Variants in CDH13 observed in about 807,000 individuals in gnomAD.
The protein encoded by CDH13 is cadherin-13.
A neutral mutation model predicts 63.8 loss-of-function variants in CDH13; 24 were observed. That is an observed-to-expected ratio of 0.38 (90% CI 0.27 to 0.53). CDH13 has a LOEUF of 0.53. Ranked by LOEUF, CDH13 falls within the 20% of genes least tolerant of loss-of-function variation. The pLI, the probability that CDH13 is intolerant of heterozygous loss-of-function variation, is 0.85. For synonymous variants in CDH13, 503 were observed against 355.3 expected, an observed-to-expected ratio of 1.42 and a Z score of -4.67; for missense variants, 1,049 against 903.1, an observed-to-expected ratio of 1.16 and a Z score of -2.07.
intron 1 of CDH13, among the ~76,000 whole-genome samples, chr16:82,697,216 C>T (rs1313485923): frequency 6.6e-6 from 1 of 152,116 alleles, no homozygotes; most frequent in Non-Finnish European, 1.5e-5. Context: ...TTCAAAACCA[C>T]CACACTATGT....
At chr16:83,330,996 A>G (rs2090469566) in intron 5 of CDH13, among the ~76,000 whole-genome samples, 2 of 152,200 alleles carry the variant, frequency 1.3e-5, no homozygotes, top group South Asian at 2.1e-4. Context: ...GCTATGTGGC[A>G]AGTGTTTTGC....
At chr16:83,434,506 G>A (rs529976723) in intron 6 of CDH13, among the ~76,000 whole-genome samples, 14 of 151,884 alleles carry the variant, frequency 9.2e-5, no homozygotes, top group African/African-American at 3.1e-4. Flanking sequence ...CCACTGAAGT[G>A]CCAATGATTC....
intron 3 of CDH13, among the ~76,000 whole-genome samples, chr16:83,056,963 TTTTG>T (rs543908459): frequency 4.8e-4 from 73 of 152,152 alleles, no homozygotes; most frequent in Middle Eastern, 3.4e-3. Flanking sequence ...TTTTACTCTT[TTTTG>T]TTTGTTTGTT....
intron 7 of CDH13, among the ~76,000 whole-genome samples, chr16:83,542,093 G>C (rs1444649287): frequency 6.6e-6 from 1 of 152,216 alleles, no homozygotes; most frequent in Non-Finnish European, 1.5e-5. Context: ...GAAATGCAGA[G>C]CCTCAGGCCT....
At chr16:83,519,838 G>A (rs4444330) in intron 7 of CDH13, among the ~76,000 whole-genome samples, 51,145 of 151,870 alleles carry the variant, frequency 0.34, 8,971 homozygotes, top group East Asian at 0.46. Flanking sequence ...GCATGAGGAC[G>A]TTAGCTTTGA....
In CDH13 at chr16:83,201,398, ACTTTCTTTC is replaced by A. The variant is rs1324039700; in HGVS notation, c.484-15946_484-15938del. Among the ~76,000 whole-genome samples the A allele has an allele frequency of 8.0e-3, 1,223 of 152,270 alleles. 14 individuals carry two copies. The highest frequency in any genetic ancestry group is 0.028 in the African/African-American group (1,174 of 41,528). ...GGATGATGCTGGAAGGAAAGGCACT[ACTTTCTTTC>A]AATAAGGTGGCCAGGGAAGTCCTCT... On this transcript the variant is annotated intron_variant, in intron 4 of 13. Transcript: ENST00000567109.
intron 8 of CDH13, among the ~76,000 whole-genome samples, chr16:83,665,722 C>T (rs960876910): frequency 6.6e-6 from 1 of 152,210 alleles, no homozygotes; most frequent in Non-Finnish European, 1.5e-5. Context: ...TGCAAGCTTG[C>T]ATATGTGCAG....
chr16:82,827,847 A>G (rs1042446181), intron 1 of CDH13, among the ~76,000 whole-genome samples: 1 of 152,178 alleles, frequency 6.6e-6, no homozygotes, highest in Non-Finnish European at 1.5e-5. Context: ...ATGTGGTATG[A>G]GTATGACACG....
rs72790145 is a variant in CDH13 at position 82,938,235 on chromosome 16, T to C, written c.157+79762T>C. The stretch of plus-strand genomic sequence containing the variant: ...CAGAGGTGTAAAAACAGCCTTTGCC[T>C]GGTTACATTGTATATCTTACCTCAG... On this transcript the variant is annotated intron_variant, in intron 2 of 13. Transcript: ENST00000567109. Among the ~76,000 whole-genome samples, 490 of 152,340 alleles carry C rather than the reference T, an allele frequency of 3.2e-3. 1 individual carries two copies. Among genetic ancestry groups the C allele is most frequent in the Non-Finnish European group, 5.0e-3 (343 of 68,028 alleles).
At chr16:83,216,399 T>C (rs1295853172) in intron 4 of CDH13, among the ~76,000 whole-genome samples, 1 of 36,272 alleles carries the variant, frequency 2.8e-5, no homozygotes, top group South Asian at 1.0e-3. Context: ...AGCATTGAAA[T>C]ATATATATAT....
chr16:83,426,907 CTTTTTTTTTTTTTTT>C (rs71148833), intron 6 of CDH13, among the ~76,000 whole-genome samples: 15 of 63,184 alleles, frequency 2.4e-4, no homozygotes, highest in South Asian at 7.4e-4. Context: ...ATGTTTCTTT[CTTTTTTTTTTTTTTT>C]TTTTTTTTTT....
intron 1 of CDH13, among the ~76,000 whole-genome samples, chr16:82,771,429 G>A (rs1174400397): frequency 1.1e-4 from 16 of 152,190 alleles, no homozygotes; most frequent in Admixed American, 1.0e-3. Context: ...TAAGGGTCTA[G>A]GTAGAGGCTG....
At chr16:83,094,454 T>A (rs1831916261) in intron 3 of CDH13, among the ~76,000 whole-genome samples, 1 of 152,152 alleles carries the variant, frequency 6.6e-6, no homozygotes, top group Non-Finnish European at 1.5e-5. Context: ...AGCTTTAAGA[T>A]GAGGAGAACC....
intron 1 of CDH13, among the ~76,000 whole-genome samples, chr16:82,810,522 G>A (rs1050728709): frequency 5.9e-5 from 9 of 152,154 alleles, no homozygotes; most frequent in Admixed American, 3.3e-4. Flanking sequence ...GAGAGATGCC[G>A]AAAATGACAA....
At chr16:82,939,446 CAAGGGAGAGG>C (rs1030665752) in intron 2 of CDH13, among the ~76,000 whole-genome samples, 3 of 71,318 alleles carry the variant, frequency 4.2e-5, no homozygotes, top group East Asian at 4.1e-4. Context: ...TAAAAGGGAG[CAAGGGAGAGG>C]GAGGGAGAGG....
Position 82,746,269 on chromosome 16 carries a change from A to T in CDH13, c.46-112093A>T, listed in dbSNP as rs183107745. Among the ~76,000 whole-genome samples the T allele has an allele frequency of 1.2e-4, 10 of 86,052 alleles. No homozygotes were observed. In the East Asian group the frequency reaches 2.8e-3, roughly 24 times the overall value. 56.5% of individuals were successfully genotyped at this position (86,052 alleles called of 152,430 possible). A position where few individuals can be genotyped will look rare whatever the true frequency, so the allele number is the denominator to read the frequency against. On this transcript the variant is annotated intron_variant, in intron 1 of 13. Transcript: ENST00000567109. ...ACTGTTTATATATATGTGTTTATAT[A>T]TAAACACACTGTATGTATGATGCAT...
At position 83,780,062 on chromosome 16, in the gene CDH13, C is replaced by T; in HGVS notation, c.1776C>T (p.Val592=). 1 of 1,613,924 alleles carries T rather than the reference C, an allele frequency of 6.2e-7. No individual in the cohort carries two copies. Among genetic ancestry groups the T allele is most frequent in the Non-Finnish European group, 8.5e-7 (1 of 1,179,866 alleles). ...APFIYPTVAE[V]CDDAKNLSVV... ...TCATTTACCCCACAGTAGCTGAAGT[C>T]TGTGATGATGCCAAAAACCTCAGTG... is the stretch of plus-strand genomic sequence containing the variant. The change falls in exon 12 of 14, where the codon GTC becomes GTT. Residue 592 remains valine, a synonymous_variant. Transcript: ENST00000567109.
intron 6 of CDH13, among the ~76,000 whole-genome samples, chr16:83,382,115 C>T (rs1391678312): frequency 2.0e-5 from 3 of 152,196 alleles, no homozygotes; most frequent in Non-Finnish European, 4.4e-5. Flanking sequence ...AAGTCACCTA[C>T]CTTCTCAGAA....
At chr16:83,662,445 A>G (rs1251853966) in intron 8 of CDH13, among the ~76,000 whole-genome samples, 3 of 152,176 alleles carry the variant, frequency 2.0e-5, no homozygotes, top group African/African-American at 7.2e-5. Flanking sequence ...GACTTTGATT[A>G]TGTTTTCTTA....
Sources: allele counts gnomAD v4.1 joint callset (sites outside exome capture counted in the v4.1 genomes callset), GRCh38; gene constraint gnomAD v4.1.1; transcripts MANE v1.5; gene names NCBI Gene and HGNC (gene_info 2026-07-23, HGNC 2026-07-21).